The following DOCK1 variants were observed in gnomAD, a reference collection of about 807,000 sequenced individuals.
DOCK1 encodes dedicator of cytokinesis 1.
A neutral mutation model predicts 262.7 loss-of-function variants in DOCK1; 138 were observed. The observed-to-expected ratio is 0.53, with a 90% CI of 0.46 to 0.61. The LOEUF (loss-of-function observed/expected upper bound fraction) is 0.61, where lower values mean the gene tolerates loss of function less well. Ranked by LOEUF, DOCK1 falls within the 20% of genes least tolerant of loss-of-function variation. The pLI, the probability that DOCK1 is intolerant of heterozygous loss-of-function variation, is 0.00. For missense variants in DOCK1, 1,908 were observed against 2,370.7 expected (o/e 0.80, Z 4.05); for synonymous variants, 866 against 867.4 (o/e 1.00, Z 0.03).
chr10:127,303,242 A>G (rs149432454), intron 29 of DOCK1, among the ~76,000 whole-genome samples: 1 of 152,172 alleles, frequency 6.6e-6, no homozygotes, highest in East Asian at 1.9e-4. Context: ...CACCTCAAGG[A>G]TAGGAGGTGT....
chr10:127,055,993 CTGAG>C (rs1271591903), intron 22 of DOCK1, among the ~76,000 whole-genome samples: 1 of 152,174 alleles, frequency 6.6e-6, no homozygotes, highest in African/African-American at 2.4e-5. Context: ...GGTCCACAAA[CTGAG>C]TTTCTTTGCT....
chr10:127,433,493 C>T (rs1404323285), intron 48 of DOCK1, 65 bp downstream of exon 48: 1 of 1,545,294 alleles, frequency 6.5e-7, no homozygotes, highest in African/African-American at 1.4e-5. Context: ...GAAGGAGCCA[C>T]CCAGGGCTCT....
chr10:126,984,611 T>C (rs920494597), intron 4 of DOCK1, among the ~76,000 whole-genome samples: 3 of 151,978 alleles, frequency 2.0e-5, no homozygotes, highest in Admixed American at 6.6e-5. Context: ...TTAAGTGATC[T>C]GCCTGCCTTG....
intron 25 of DOCK1, among the ~76,000 whole-genome samples, chr10:127,114,159 A>T (rs979762894): frequency 6.6e-6 from 1 of 152,038 alleles, no homozygotes. Flanking sequence ...TAGGATGAGA[A>T]CTTTCCAAGC....
chr10:126,914,512 C>G (rs1387202836), intron 1 of DOCK1, among the ~76,000 whole-genome samples: 3 of 152,128 alleles, frequency 2.0e-5, no homozygotes, highest in African/African-American at 7.2e-5. Flanking sequence ...AAGTGATCCT[C>G]CAACCCTGGC....
intron 25 of DOCK1, among the ~76,000 whole-genome samples, chr10:127,111,502 C>T (rs1010631992): frequency 6.6e-6 from 1 of 152,140 alleles, no homozygotes; most frequent in Non-Finnish European, 1.5e-5. Context: ...TTATTCCTGA[C>T]TGTCCATATT....
In DOCK1 at chr10:127,137,955, A is replaced by G. The variant is rs146739741; in HGVS notation, c.2847+10191A>G. Reference sequence around the variant, plus strand: ...CGAAGGTATGACCTGAGTTTCCTCAATAGGGTGGAGTTTTCTTAGAACCGG... The same window carrying G: ...CGAAGGTATGACCTGAGTTTCCTCAGTAGGGTGGAGTTTTCTTAGAACCGG... On this transcript the variant is annotated intron_variant, in intron 27 of 51. Transcript: ENST00000623213. The G allele has an allele frequency of 1.4e-5, 23 of 1,614,028 alleles. No homozygotes were observed. In the African/African-American group the frequency reaches 1.5e-4, roughly 10 times the overall value.
At chr10:127,109,177 A>G (rs987625631) in intron 24 of DOCK1, among the ~76,000 whole-genome samples, 2 of 152,196 alleles carry the variant, frequency 1.3e-5, no homozygotes, top group Non-Finnish European at 2.9e-5. Flanking sequence ...TAAAACCAAC[A>G]TTCTACCAGT....
intron 43 of DOCK1, among the ~76,000 whole-genome samples, chr10:127,414,863 A>G (rs990206240): frequency 6.6e-6 from 1 of 152,214 alleles, no homozygotes; most frequent in Non-Finnish European, 1.5e-5. Flanking sequence ...TGGAGTATAC[A>G]CATCTTTCTC....
chr10:127,423,446 G>A (rs567748452), intron 46 of DOCK1, among the ~76,000 whole-genome samples: 1 of 152,312 alleles, frequency 6.6e-6, no homozygotes, highest in African/African-American at 2.4e-5. Context: ...CTCGCTGGGT[G>A]GGAGGTGGCA....
At chr10:127,055,587 G>A (rs2045087716) in intron 22 of DOCK1, among the ~76,000 whole-genome samples, 1 of 152,116 alleles carries the variant, frequency 6.6e-6, no homozygotes, top group African/African-American at 2.4e-5. Context: ...ATAATGGATG[G>A]GCAGTTAACA....
intron 19 of DOCK1, among the ~76,000 whole-genome samples, chr10:127,040,443 T>C (rs1421724703): frequency 1.3e-5 from 2 of 152,228 alleles, no homozygotes; most frequent in African/African-American, 4.8e-5. Context: ...CTGGGCATGC[T>C]GGGCGTCCTC....
intron 27 of DOCK1, among the ~76,000 whole-genome samples, chr10:127,228,527 A>G (rs2058723479): frequency 6.6e-6 from 1 of 152,174 alleles, no homozygotes; most frequent in Non-Finnish European, 1.5e-5. Context: ...GGTACCAGGC[A>G]CAGTCTGTGG....
At chr10:127,016,127 G>T (rs1038159847) in intron 12 of DOCK1, 1 of 152,214 alleles carries the variant, frequency 6.6e-6, no homozygotes, top group Non-Finnish European at 1.5e-5. Context: ...GTGTTTGACC[G>T]TTGGCAATGG....
Position 127,451,500 on chromosome 10 carries a change from G to T in DOCK1, c.*73G>T. The T allele has an allele frequency of 1.3e-6, 2 of 1,545,144 alleles. No individual in the cohort carries two copies. The highest frequency in any genetic ancestry group is 1.7e-6 in the Non-Finnish European group (2 of 1,145,742). ...TGCCCTCTCCTTCTGTGTCCCCTGAGTCTGCTGTTTACCTCATTGGGCCTG... is the reference window on the plus strand; with the variant it reads ...TGCCCTCTCCTTCTGTGTCCCCTGATTCTGCTGTTTACCTCATTGGGCCTG... On this transcript the variant is annotated 3_prime_UTR_variant, in exon 52 of 52. Transcript: ENST00000623213.
At position 127,012,363 on chromosome 10, in the gene DOCK1, A is replaced by G; in HGVS notation, c.1190A>G (p.His397Arg). 1 of 1,614,002 alleles carries G rather than the reference A, an allele frequency of 6.2e-7. No individual in the cohort carries two copies. The highest frequency in any genetic ancestry group is 2.2e-5 in the East Asian group (1 of 44,870). ...NKVIAAKEVNHKGQGLWVTLK... is the reference protein window; with the variant it reads ...NKVIAAKEVNRKGQGLWVTLK... ...GTCATCGCTGCCAAAGAAGTCAACC[A>G]CAAGGGGCAGGGTACGTATTTTCCT... The change falls in exon 12 of 52, where the codon CAC becomes CGC. Residue 397 changes from histidine to arginine, a missense_variant. Physicochemically the swap from His to Arg is conservative, Grantham distance 29 (BLOSUM62 0). Coordinates refer to ENST00000623213, the MANE Select transcript of DOCK1 (RefSeq NM_001290223.2). This position sits in a 1 kb window ranked among gnomAD's most constrained non-coding sequence, Gnocchi z 4.0.
rs745709980 is a variant in DOCK1, at chr10:127,426,122, G to A, written c.4914+111G>A. On this transcript the variant is annotated intron_variant, in intron 47 of 51. Coordinates refer to ENST00000623213, the MANE Select transcript of DOCK1 (RefSeq NM_001290223.2). ...GAACTCACATGTACACATGGTGCCC[G>A]CTTAGGAAGTGGGATGTGAGGGAGC... 2.7e-4 allele frequency: 418 copies of A among 1,526,342 alleles called. 3 individuals carry two copies. The highest frequency in any genetic ancestry group is 1.9e-4 in the African/African-American group (14 of 73,070). 94.5% of individuals were successfully genotyped at this position (1,526,342 alleles called of 1,614,324 possible).
intron 10 of DOCK1, among the ~76,000 whole-genome samples, chr10:127,006,316 G>A (rs1187841599): frequency 6.6e-6 from 1 of 152,152 alleles, no homozygotes; most frequent in Non-Finnish European, 1.5e-5. Flanking sequence ...TTGTCCCAAC[G>A]CCACTGCCTC....
intron 38 of DOCK1, among the ~76,000 whole-genome samples, chr10:127,387,490 G>T (rs1402422399): frequency 6.6e-6 from 1 of 152,094 alleles, no homozygotes; most frequent in East Asian, 1.9e-4. Context: ...CAGTGCCCTG[G>T]GCATACTCCT....
Sources: allele counts gnomAD v4.1 joint callset (sites outside exome capture counted in the v4.1 genomes callset), GRCh38; gene constraint gnomAD v4.1.1; non-coding constraint Gnocchi (gnomAD v3.1); transcripts MANE v1.5; gene names NCBI Gene and HGNC (gene_info 2026-07-23, HGNC 2026-07-21).